KCNK2: variants seen among roughly 807,000 people sequenced by gnomAD.
KCNK2 encodes potassium two pore domain channel subfamily K member 2.
Under a neutral mutation model 40.5 loss-of-function variants are expected in KCNK2, and 21 were observed. That is an observed-to-expected ratio of 0.52 (90% CI 0.37 to 0.75). KCNK2 has a LOEUF of 0.75. Among genes scored for constraint, KCNK2 ranks in the 30% least tolerant of loss-of-function variants. The pLI, the probability that KCNK2 is intolerant of heterozygous loss-of-function variation, is 0.00. For missense variants in KCNK2, 399 were observed against 531.6 expected, an observed-to-expected ratio of 0.75 and a Z score of 2.45; for synonymous variants, 191 against 202.2, an observed-to-expected ratio of 0.94 and a Z score of 0.47.
At chr1:215,108,545 T>G (rs1660539660) in intron 2 of KCNK2, among the ~76,000 whole-genome samples, 2 of 152,286 alleles carry the variant, frequency 1.3e-5, no homozygotes, top group South Asian at 4.1e-4. Flanking sequence ...TTTTTGCTTT[T>G]GTTGCTTAGG....
chr1:215,064,546 C>T (rs977653771), intron 1 of KCNK2, among the ~76,000 whole-genome samples: 4 of 152,206 alleles, frequency 2.6e-5, no homozygotes, highest in Non-Finnish European at 4.4e-5. Flanking sequence ...TGATTCCAAC[C>T]GGCCTGGACT....
intron 6 of KCNK2, among the ~76,000 whole-genome samples, chr1:215,230,507 G>GTATA (rs201898524): frequency 0.025 from 1,615 of 65,304 alleles, 35 homozygotes; most frequent in Non-Finnish European, 0.031. Context: ...ACACACGGCT[G>GTATA]TATATATATA....
At chr1:215,183,197 A>G (rs1664296009) in intron 5 of KCNK2, among the ~76,000 whole-genome samples, 1 of 152,192 alleles carries the variant, frequency 6.6e-6, no homozygotes, top group African/African-American at 2.4e-5. Flanking sequence ...TCTTGGGGAA[A>G]AAAATGAATC....
intron 3 of KCNK2, among the ~76,000 whole-genome samples, chr1:215,156,195 C>T (rs1662916717): frequency 1.3e-5 from 2 of 151,964 alleles, no homozygotes; most frequent in Admixed American, 1.3e-4. Flanking sequence ...TTACAAAGTA[C>T]ACAGTATTGA....
intron 6 of KCNK2, among the ~76,000 whole-genome samples, chr1:215,223,941 C>T (rs1342901879): frequency 1.3e-5 from 2 of 151,724 alleles, no homozygotes; most frequent in African/African-American, 4.8e-5. Context: ...CATGGAAGTG[C>T]GAAAGCCTTG....
At chr1:215,013,888 G>A (rs544452962) in intron 1 of KCNK2, among the ~76,000 whole-genome samples, 2 of 152,206 alleles carry the variant, frequency 1.3e-5, no homozygotes, top group South Asian at 2.1e-4. Context: ...TTCATTTCCA[G>A]TCAGTGTGCC....
At chr1:215,184,690 A>G (rs1664358208) in intron 5 of KCNK2, among the ~76,000 whole-genome samples, 1 of 152,186 alleles carries the variant, frequency 6.6e-6, no homozygotes, top group African/African-American at 2.4e-5. Flanking sequence ...TCATGAGAAT[A>G]GCATGGGGGA....
intron 5 of KCNK2, among the ~76,000 whole-genome samples, chr1:215,175,016 T>C (rs897081530): frequency 2.0e-5 from 3 of 152,110 alleles, no homozygotes; most frequent in Non-Finnish European, 4.4e-5. Flanking sequence ...TGAATAGGAG[T>C]GATGAGAGAG....
intron 3 of KCNK2, among the ~76,000 whole-genome samples, chr1:215,127,667 CAT>C (rs1661492781): frequency 6.6e-6 from 1 of 152,116 alleles, no homozygotes; most frequent in Non-Finnish European, 1.5e-5. Context: ...GAGCAAAAGC[CAT>C]AGTCCCTTGC....
chr1:215,171,438 T>C (rs556903071), intron 4 of KCNK2, among the ~76,000 whole-genome samples: 6 of 152,272 alleles, frequency 3.9e-5, no homozygotes, highest in Admixed American at 2.0e-4. Context: ...GTTAGTATTA[T>C]GCTGTAATCA....
chr1:215,082,816 C>G lies in KCNK2; in HGVS notation c.-570C>G, dbSNP rs928972899. On this transcript the variant is annotated 5_prime_UTR_variant, in exon 1 of 7. Transcript: ENST00000444842. The stretch of plus-strand genomic sequence containing the variant: ...GCTGCAGAGCTGCGGGCGCCCGGAC[C>G]GTGCCACACACCCCCCGCGGGGCAC... Among the ~76,000 whole-genome samples the G allele has an allele frequency of 6.6e-6, 1 of 152,114 alleles. No homozygotes were observed. Among genetic ancestry groups the G allele is most frequent in the Admixed American group, 6.5e-5 (1 of 15,298 alleles).
chr1:215,155,464 T>G (rs972786455), intron 3 of KCNK2, among the ~76,000 whole-genome samples: 3 of 152,150 alleles, frequency 2.0e-5, no homozygotes. Flanking sequence ...ACTACGAATT[T>G]TTGTTGCAAA....
At chr1:215,072,212 A>C (rs1658780800) in intron 1 of KCNK2, among the ~76,000 whole-genome samples, 1 of 152,202 alleles carries the variant, frequency 6.6e-6, no homozygotes, top group South Asian at 2.1e-4. Flanking sequence ...TACCTGTATT[A>C]GTCTGTTCTC....
chr1:215,101,800 C>T (rs953365764), intron 2 of KCNK2, among the ~76,000 whole-genome samples: 43 of 151,904 alleles, frequency 2.8e-4, no homozygotes, highest in African/African-American at 9.4e-4. Flanking sequence ...ATGCATTACT[C>T]AAGTGTTTGT....
intron 1 of KCNK2, among the ~76,000 whole-genome samples, chr1:215,025,756 C>T (rs116632424): frequency 0.013 from 1,943 of 151,970 alleles, 39 homozygotes; most frequent in African/African-American, 0.044. Context: ...TGTGGATTAC[C>T]GTGGTTTATT....
intron 1 of KCNK2, among the ~76,000 whole-genome samples, chr1:215,085,235 T>G (rs1038775961): frequency 6.6e-6 from 1 of 152,242 alleles, no homozygotes; most frequent in Admixed American, 6.5e-5. Flanking sequence ...TACTGAAATC[T>G]GTAGCAATTA....
intron 2 of KCNK2, among the ~76,000 whole-genome samples, chr1:215,089,829 T>C (rs928060245): frequency 5.1e-4 from 32 of 62,738 alleles, no homozygotes; most frequent in African/African-American, 7.4e-4. Flanking sequence ...CTTTTTCTTT[T>C]TTTTTTTTTA....
rs578217149 is a variant in KCNK2 at position 215,083,577 on chromosome 1, G to A, written c.46+146G>A. On this transcript the variant is annotated intron_variant, in intron 1 of 6. Coordinates refer to ENST00000444842, the MANE Select transcript of KCNK2 (RefSeq NM_001017425.3). ...GTCCAAAGTGTTGGGTCATAATCTG[G>A]ATTTGGAGGCAAACCCTTGCCAGAT... The A allele has an allele frequency of 1.8e-5, 12 of 664,130 alleles. No individual in the cohort carries two copies. In the South Asian group the frequency reaches 1.9e-4, roughly 10 times the overall value. The allele number at this position is 664,130 out of a possible 1,614,324, so 41.1% of individuals were successfully genotyped here.
At chr1:215,075,645 A>T (rs1273772813) in intron 1 of KCNK2, among the ~76,000 whole-genome samples, 1 of 152,218 alleles carries the variant, frequency 6.6e-6, no homozygotes, top group African/African-American at 2.4e-5. Context: ...TGCTGTTGCA[A>T]ATCAAAAGAA....
Sources: gnomAD v4.1 joint callset for allele counts (sites outside exome capture counted in the v4.1 genomes callset) on GRCh38, gnomAD v4.1.1 for gene constraint, MANE v1.5 for transcripts, NCBI Gene and HGNC (gene_info 2026-07-23, HGNC 2026-07-21) for gene names.